Variants in ABCA5 observed in about 807,000 individuals in gnomAD.
ABCA5 encodes the protein ATP binding cassette subfamily A member 5, also known as cholesterol transporter ABCA5.
In ABCA5, 163 loss-of-function variants were observed where a neutral mutation model predicts 206.0. The ratio of observed to expected loss-of-function variants is 0.79; its 90% CI spans 0.70 to 0.90. The LOEUF (loss-of-function observed/expected upper bound fraction) is 0.90. ABCA5 is among the 40% of genes least tolerant of loss of function. The pLI, the probability that ABCA5 is intolerant of heterozygous loss-of-function variation, is 0.00. For missense variants in ABCA5, 1,859 were observed against 1,912.9 expected, an observed-to-expected ratio of 0.97 and a Z score of 0.53; for synonymous variants, 609 against 613.8, an observed-to-expected ratio of 0.99 and a Z score of 0.11.
chr17:69,297,491 T>C, intron 9 of ABCA5, 132 bp from the exon 10 acceptor site: 1 of 732,214 alleles, frequency 1.4e-6, no homozygotes, highest in Non-Finnish European at 2.2e-6. Flanking sequence ...TTTCCAAACA[T>C]CATGTTGTAC....
chr17:69,293,471 T>C (rs1445919104), intron 11 of ABCA5, among the ~76,000 whole-genome samples: 3 of 152,180 alleles, frequency 2.0e-5, no homozygotes, highest in Non-Finnish European at 2.9e-5. Context: ...GGCTAGGCTA[T>C]GGTGCCGTTA....
chr17:69,258,305 T>C (rs1234207310), intron 28 of ABCA5, among the ~76,000 whole-genome samples: 2 of 151,938 alleles, frequency 1.3e-5, no homozygotes, highest in Non-Finnish European at 2.9e-5. Context: ...GTGAAGAAAA[T>C]ATGGTACATA....
intron 32 of ABCA5, among the ~76,000 whole-genome samples, chr17:69,254,105 T>C (rs1568089465): frequency 6.6e-6 from 1 of 152,196 alleles, no homozygotes; most frequent in Non-Finnish European, 1.5e-5. Context: ...ATTTATCCTG[T>C]AACTAGAAAT....
chr17:69,266,652 T>C (rs367743915), intron 23 of ABCA5, among the ~76,000 whole-genome samples: 2 of 147,982 alleles, frequency 1.4e-5, no homozygotes, highest in South Asian at 2.1e-4. Context: ...AATGTTTCAG[T>C]TGAAACAAGA....
At chr17:69,259,475 T>C (rs1323050819) in intron 28 of ABCA5, among the ~76,000 whole-genome samples, 3 of 151,972 alleles carry the variant, frequency 2.0e-5, no homozygotes, top group South Asian at 2.1e-4. Context: ...CATATTTCCA[T>C]TGTCCAGTTA....
Position 69,264,956 on chromosome 17 carries a change from C to T in ABCA5, c.3145-51G>A, listed in dbSNP as rs376729698. ...TATAATTTTAGACACTTTAGAAACA[C>T]ACAAATAAATTAGTAAATTATTGTA... On this transcript the variant is annotated intron_variant, in intron 23 of 38. Transcript: ENST00000392676. The T allele has an allele frequency of 5.6e-6, 7 of 1,242,458 alleles. No individual in the cohort carries two copies. In the African/African-American group the frequency reaches 1.1e-4, roughly 19 times the overall value. The allele number at this position is 1,242,458 out of a possible 1,614,324, so 77.0% of individuals were successfully genotyped here.
chr17:69,248,351 A>C (rs563156143), intron 37 of ABCA5, 34 bp from the exon 38 acceptor site: 1 of 1,333,568 alleles, frequency 7.5e-7, no homozygotes, highest in South Asian at 1.3e-5. Flanking sequence ...TTTACTTATC[A>C]ATATCTGAAA....
intron 9 of ABCA5, among the ~76,000 whole-genome samples, chr17:69,300,112 G>A (rs138651289): frequency 5.5e-4 from 83 of 152,232 alleles, no homozygotes; most frequent in African/African-American, 1.9e-3. Flanking sequence ...CTCACTATAA[G>A]GTAGAATCAG....
intron 36 of ABCA5, 74 bp from the exon 37 acceptor site, chr17:69,250,058 G>T: frequency 1.1e-6 from 1 of 945,362 alleles, no homozygotes; most frequent in Non-Finnish European, 1.5e-6. Flanking sequence ...AGTTCAACAT[G>T]TTTAAAATTC....
At chr17:69,249,617 A>T (rs923881173) in intron 37 of ABCA5, 1 of 329,638 alleles carries the variant, frequency 3.0e-6, no homozygotes, top group Non-Finnish European at 5.7e-6. Context: ...TAAAAATTGT[A>T]AAAGGTTTAC....
chr17:69,317,482 G>C (rs1156451676), intron 1 of ABCA5, among the ~76,000 whole-genome samples: 1 of 150,186 alleles, frequency 6.7e-6, no homozygotes, highest in Admixed American at 6.6e-5. Context: ...TATGTCAAGT[G>C]AAAGTCAGAC....
chr17:69,282,765 C>CAA (rs71144668), intron 18 of ABCA5, among the ~76,000 whole-genome samples: 1 of 107,958 alleles, frequency 9.3e-6, no homozygotes, highest in Admixed American at 9.6e-5. Flanking sequence ...GAGCAAGACT[C>CAA]AAAAAAAAAA....
chr17:69,287,237 T>C (rs189331621), intron 15 of ABCA5, among the ~76,000 whole-genome samples: 1 of 152,298 alleles, frequency 6.6e-6, no homozygotes, highest in East Asian at 1.9e-4. Context: ...GCTGAAGAAA[T>C]TAAAGCACAT....
chr17:69,244,696 C>G lies in ABCA5; in HGVS notation c.*2841G>C, dbSNP rs554072087. Reference sequence around the variant, plus strand: ...AAAATTAATGCCTATTTACATGTTACACAAAAATACAGTATGGTATTTTAA... The same window carrying G: ...AAAATTAATGCCTATTTACATGTTAGACAAAAATACAGTATGGTATTTTAA... On this transcript the variant is annotated 3_prime_UTR_variant, in exon 39 of 39. Coordinates refer to ENST00000392676, the MANE Select transcript of ABCA5 (RefSeq NM_172232.4). The G allele has an allele frequency of 2.6e-5, 4 of 151,422 alleles. No homozygotes were observed. In the South Asian group the frequency reaches 8.3e-4, roughly 31 times the overall value. 9.4% of individuals were successfully genotyped at this position (151,422 alleles called of 1,614,324 possible). A position where few individuals can be genotyped will look rare whatever the true frequency, so the allele number is the denominator to read the frequency against.
rs2074936043 is a variant in ABCA5 at position 69,245,131 on chromosome 17, GA to G, written c.*2405del. The G allele has an allele frequency of 1.3e-5, 2 of 150,072 alleles. No individual in the cohort carries two copies. The highest frequency in any genetic ancestry group is 4.2e-4 in the South Asian group (2 of 4,758). 9.3% of individuals were successfully genotyped at this position (150,072 alleles called of 1,614,324 possible). Reference sequence around the variant, plus strand: ...TAAGATAATTTGTGCAAATTTAAAAGAAAAAAATTATTTTAAAGAAAACCCA... The same window carrying G: ...TAAGATAATTTGTGCAAATTTAAAAGAAAAAATTATTTTAAAGAAAACCCA... On this transcript the variant is annotated 3_prime_UTR_variant, in exon 39 of 39. Coordinates refer to ENST00000392676, the MANE Select transcript of ABCA5 (RefSeq NM_172232.4).
chr17:69,256,397 G>A, intron 28 of ABCA5, 114 bp from the exon 29 acceptor site: 1 of 537,436 alleles, frequency 1.9e-6, no homozygotes, highest in Non-Finnish European at 2.9e-6. Flanking sequence ...ATAAGATCTA[G>A]GATTATCTCT....
Position 69,302,846 on chromosome 17 carries a change from C to T in ABCA5, c.991G>A (p.Glu331Lys). ...CCAAAAGCCACAGTAACAAAAAATT[C>T]AACTATTCCCACATGTTTTGATTTT... is the stretch of plus-strand genomic sequence containing the variant. ...FKKSKHVGIV[E>K]FFVTVAFGFI... The change falls in exon 8 of 39, where the codon GAA (glutamate) becomes AAA (lysine). Residue 331 changes from glutamate to lysine, a missense_variant. By Grantham distance (56) the Glu-to-Lys change is moderately conservative (BLOSUM62 1). Coordinates refer to ENST00000392676, the MANE Select transcript of ABCA5 (RefSeq NM_172232.4). 1 of 1,590,072 alleles carries T rather than the reference C, an allele frequency of 6.3e-7. No homozygotes were observed. The highest frequency in any genetic ancestry group is 8.5e-7 in the Non-Finnish European group (1 of 1,173,084).
intron 34 of ABCA5, among the ~76,000 whole-genome samples, chr17:69,252,939 C>T (rs2075033425): frequency 6.6e-6 from 1 of 151,784 alleles, no homozygotes; most frequent in South Asian, 2.1e-4. Flanking sequence ...ACAGTGATTC[C>T]ATAAGATTAT....
At chr17:69,262,556 A>C (rs1234011994) in intron 24 of ABCA5, among the ~76,000 whole-genome samples, 1 of 152,194 alleles carries the variant, frequency 6.6e-6, no homozygotes, top group African/African-American at 2.4e-5. Flanking sequence ...GCTGCAACAG[A>C]CATAATTTCA....
Sources: allele counts gnomAD v4.1 joint callset (sites outside exome capture counted in the v4.1 genomes callset), GRCh38; gene constraint gnomAD v4.1.1; transcripts MANE v1.5; gene names NCBI Gene and HGNC (gene_info 2026-07-23, HGNC 2026-07-21).